MAN1A1: variants seen among roughly 807,000 people sequenced by gnomAD.
The protein encoded by MAN1A1 is mannosidase alpha class 1A member 1, also known as mannosyl-oligosaccharide 1,2-alpha-mannosidase IA.
Under a neutral mutation model 70.8 loss-of-function variants are expected in MAN1A1, and 29 were observed. The ratio of observed to expected loss-of-function variants is 0.41; its 90% CI spans 0.31 to 0.56. The LOEUF is 0.56. MAN1A1 is among the 20% of genes least tolerant of loss of function. The pLI, the probability that MAN1A1 is intolerant of heterozygous loss-of-function variation, is 0.29. For missense variants in MAN1A1, 747 were observed against 841.3 expected, an observed-to-expected ratio of 0.89 and a Z score of 1.39; for synonymous variants, 349 against 330.1, an observed-to-expected ratio of 1.06 and a Z score of -0.62.
At chr6:119,307,048 A>G in intron 2 of MAN1A1, 56 bp from the exon 3 acceptor site, 3 of 1,188,220 alleles carry the variant, frequency 2.5e-6, no homozygotes, top group Non-Finnish European at 3.7e-6. Context: ...TTTTGCTACA[A>G]AATAGGTAAT....
At chr6:119,202,584 A>T (rs1773743614) in intron 7 of MAN1A1, among the ~76,000 whole-genome samples, 1 of 152,226 alleles carries the variant, frequency 6.6e-6, no homozygotes, top group African/African-American at 2.4e-5. Flanking sequence ...TATATGTGCT[A>T]TACTTTTATG....
rs1275640330 is a variant in MAN1A1 at position 119,179,600 on chromosome 6, A to C, written c.*219T>G. ...TAATAGGTTACTTAAAAACATAAAC[A>C]AAAAACTGGTGGATACACTGGCTGA... On this transcript the variant is annotated 3_prime_UTR_variant, in exon 13 of 13. Transcript: ENST00000368468. 3.1e-6 allele frequency: 1 copy of C among 320,976 alleles called. No homozygotes were observed. The highest frequency in any genetic ancestry group is 5.9e-6 in the Non-Finnish European group (1 of 170,738). The allele number at this position is 320,976 out of a possible 1,614,324, so 19.9% of individuals were successfully genotyped here. A position where few individuals can be genotyped will look rare whatever the true frequency, so the allele number is the denominator to read the frequency against.
chr6:119,267,978 AT>A (rs140898832), intron 5 of MAN1A1, among the ~76,000 whole-genome samples: 7,906 of 152,202 alleles, frequency 0.052, 279 homozygotes, highest in African/African-American at 0.091. Flanking sequence ...TTTATGACAA[AT>A]TGGAAGCTGG....
At chr6:119,237,380 C>T (rs766232731) in intron 6 of MAN1A1, among the ~76,000 whole-genome samples, 11 of 152,124 alleles carry the variant, frequency 7.2e-5, no homozygotes, top group Non-Finnish European at 1.2e-4. Context: ...GGTGGTGGCT[C>T]ACACCTGTAA....
Position 119,227,241 on chromosome 6 carries a change from A to G in MAN1A1, c.992+21019T>C, listed in dbSNP as rs532260178. ...AAAACTAATGTATACTGACAGCAACATATCAGTGGTTGCCTGGGGTCAGAT... is the reference window on the plus strand; with the variant it reads ...AAAACTAATGTATACTGACAGCAACGTATCAGTGGTTGCCTGGGGTCAGAT... On this transcript the variant is annotated intron_variant, in intron 6 of 12. Coordinates refer to ENST00000368468, the MANE Select transcript of MAN1A1 (RefSeq NM_005907.4). 7.9e-5 allele frequency among the ~76,000 whole-genome samples: 12 copies of G among 152,324 alleles called. No homozygotes were observed. In the East Asian group the frequency reaches 1.9e-3, roughly 25 times the overall value.
Position 119,178,371 on chromosome 6 carries a change from G to C in MAN1A1, c.*1448C>G, listed in dbSNP as rs1369052178. On this transcript the variant is annotated 3_prime_UTR_variant, in exon 13 of 13. Coordinates refer to ENST00000368468, the MANE Select transcript of MAN1A1 (RefSeq NM_005907.4). ...TCAGCCTAATCCATGGGGTTGTACT[G>C]ATCTTTCTGACCATTCTCGGCTGAA... 1.3e-5 allele frequency: 2 copies of C among 152,076 alleles called. No homozygotes were observed. Among genetic ancestry groups the C allele is most frequent in the Non-Finnish European group, 2.9e-5 (2 of 67,942 alleles). 9.4% of individuals were successfully genotyped at this position (152,076 alleles called of 1,614,324 possible). A position where few individuals can be genotyped will look rare whatever the true frequency, so the allele number is the denominator to read the frequency against.
At chr6:119,338,633 T>A (rs1170936520) in intron 2 of MAN1A1, among the ~76,000 whole-genome samples, 1 of 152,232 alleles carries the variant, frequency 6.6e-6, no homozygotes, top group African/African-American at 2.4e-5. Context: ...TAGAAAAGCA[T>A]CCTGATTCAT....
intron 6 of MAN1A1, among the ~76,000 whole-genome samples, chr6:119,218,769 T>G (rs1774275839): frequency 6.6e-6 from 1 of 152,196 alleles, no homozygotes; most frequent in South Asian, 2.1e-4. Context: ...CGCGCTGGGA[T>G]GGCGTACTGG....
chr6:119,318,999 G>A (rs2114473149), intron 2 of MAN1A1, among the ~76,000 whole-genome samples: 1 of 152,164 alleles, frequency 6.6e-6, no homozygotes, highest in Admixed American at 6.5e-5. Flanking sequence ...GCCACTAAAT[G>A]GCAATATCAG....
At position 119,204,779 on chromosome 6, in the gene MAN1A1, T is replaced by C; in HGVS notation, c.1096A>G (p.Asn366Asp). 2 of 1,613,934 alleles carry C rather than the reference T, an allele frequency of 1.2e-6. No homozygotes were observed. Among genetic ancestry groups the C allele is most frequent in the Non-Finnish European group, 1.7e-6 (2 of 1,179,842 alleles). The change falls in exon 7 of 13, where the codon AAC (asparagine) becomes GAC (aspartate). Residue 366 changes from asparagine to aspartate, a missense_variant. By Grantham distance (23) the Asn-to-Asp change is conservative (BLOSUM62 1). Transcript: ENST00000368468. ...EFMHLSHLSG[N>D]PIFAEKVMNI... ...CTCACCTTTTCAGCAAAGATGGGGT[T>C]TCCTGATAAGTGGCTCAAGTGCATA...
chr6:119,293,944 T>A (rs1350703553), intron 4 of MAN1A1, among the ~76,000 whole-genome samples: 2 of 152,056 alleles, frequency 1.3e-5, no homozygotes, highest in Non-Finnish European at 2.9e-5. Flanking sequence ...AATTCCTCCA[T>A]GATGTAAAGC....
At chr6:119,212,219 T>C (rs1379162458) in intron 6 of MAN1A1, among the ~76,000 whole-genome samples, 1 of 151,834 alleles carries the variant, frequency 6.6e-6, no homozygotes, top group Non-Finnish European at 1.5e-5. Flanking sequence ...TCTCAATAAT[T>C]AGGAAAATTT....
chr6:119,348,136 G>A (rs998954775), intron 2 of MAN1A1, among the ~76,000 whole-genome samples: 2 of 152,156 alleles, frequency 1.3e-5, no homozygotes, highest in Non-Finnish European at 2.9e-5. Context: ...TGTTACTGGT[G>A]GGGCGATTAA....
chr6:119,330,209 T>C (rs1284402247), intron 2 of MAN1A1, among the ~76,000 whole-genome samples: 4 of 152,190 alleles, frequency 2.6e-5, no homozygotes. Flanking sequence ...TTTGCAGTGC[T>C]TGTTGTATAC....
At chr6:119,198,140 G>A (rs1255452598) in intron 8 of MAN1A1, among the ~76,000 whole-genome samples, 1 of 152,196 alleles carries the variant, frequency 6.6e-6, no homozygotes, top group African/African-American at 2.4e-5. Flanking sequence ...TGTAATTCCA[G>A]CACTTTGGGA....
intron 2 of MAN1A1, among the ~76,000 whole-genome samples, chr6:119,333,585 T>C: frequency 6.6e-6 from 1 of 152,180 alleles, no homozygotes; most frequent in East Asian, 1.9e-4. Flanking sequence ...AATACTAAAT[T>C]AAGCTAATTA....
chr6:119,237,905 A>T (rs749309273), intron 6 of MAN1A1, among the ~76,000 whole-genome samples: 1 of 152,224 alleles, frequency 6.6e-6, no homozygotes, highest in South Asian at 2.1e-4. Flanking sequence ...GTTATATTCA[A>T]TAAAGCACAG....
At chr6:119,218,265 T>C (rs751860190) in intron 6 of MAN1A1, among the ~76,000 whole-genome samples, 2 of 152,184 alleles carry the variant, frequency 1.3e-5, no homozygotes, top group Admixed American at 6.5e-5. Context: ...TTCTGGGTTC[T>C]GTACCCTATT....
intron 2 of MAN1A1, among the ~76,000 whole-genome samples, chr6:119,336,752 GGTACT>G: frequency 6.6e-6 from 1 of 152,122 alleles, no homozygotes; most frequent in African/African-American, 2.4e-5. Flanking sequence ...ATTTTAGTGT[GGTACT>G]GTAAGCATTA....
Sources: gnomAD v4.1 joint callset for allele counts (sites outside exome capture counted in the v4.1 genomes callset) on GRCh38, gnomAD v4.1.1 for gene constraint, MANE v1.5 for transcripts, NCBI Gene and HGNC (gene_info 2026-07-23, HGNC 2026-07-21) for gene names.